The following SLC46A2 variants were observed in gnomAD, a reference collection of about 807,000 sequenced individuals.
SLC46A2 encodes the protein solute carrier family 46 member 2, also known as thymic stromal co-transporter.
SLC46A2 carries 25 observed loss-of-function variants against 33.1 expected under a neutral mutation model. The ratio of observed to expected loss-of-function variants is 0.76; its 90% CI spans 0.55 to 1.06. SLC46A2 has a LOEUF of 1.06. SLC46A2 is among the 50% of genes least tolerant of loss of function. The pLI is 0.00. For missense variants in SLC46A2, 622 were observed against 621.7 expected (o/e 1.00, Z 0.00); for synonymous variants, 254 against 275.9 (o/e 0.92, Z 0.79).
chr9:112,887,411 G>A lies in SLC46A2; in HGVS notation c.1132C>T (p.Arg378Ter), dbSNP rs369303765. ...ATGAGAGCAAACAGCATGACGGCTC[G>A]AGCTGAAAGAGATCACACAAGAACA... is the stretch of plus-strand genomic sequence containing the variant. ...VKETYMFYIA[R>*]AVMLFALIPV... Residue 378 changes from arginine (R) to a stop codon, truncating the protein, a stop_gained and splice_region_variant, in exon 2 of 4, where the codon CGA (arginine) becomes TGA (stop). Coordinates refer to ENST00000374228, the MANE Select transcript of SLC46A2 (RefSeq NM_033051.4). LOFTEE classifies it high-confidence loss of function. 14 of 1,606,026 alleles carry A rather than the reference G, an allele frequency of 8.7e-6. No homozygotes were observed. Among genetic ancestry groups the A allele is most frequent in the African/African-American group, 2.7e-5 (2 of 74,584 alleles).
In SLC46A2 at chr9:112,890,754, A is replaced by C. The variant is rs977342012; in HGVS notation, c.-73T>G. ...GGATATGCTCCCAAATTCGGCTGCT[A>C]CGGCTGCTCAGGTTTCAGTCCCGGA... On this transcript the variant is annotated 5_prime_UTR_variant, in exon 1 of 4. Coordinates refer to ENST00000374228, the MANE Select transcript of SLC46A2 (RefSeq NM_033051.4). This position sits in a 1 kb window ranked among gnomAD's most constrained non-coding sequence, Gnocchi z 6.0. 1 of 1,492,998 alleles carries C rather than the reference A, an allele frequency of 6.7e-7. No homozygotes were observed. Among genetic ancestry groups the C allele is most frequent in the South Asian group, 1.3e-5 (1 of 77,462 alleles). 92.5% of individuals were successfully genotyped at this position (1,492,998 alleles called of 1,614,324 possible). A position where few individuals can be genotyped will look rare whatever the true frequency, so the allele number is the denominator to read the frequency against.
chr9:112,879,174 C>T lies in SLC46A2; in HGVS notation c.*588G>A, dbSNP rs1370950980. On this transcript the variant is annotated 3_prime_UTR_variant, in exon 4 of 4. Coordinates refer to ENST00000374228, the MANE Select transcript of SLC46A2 (RefSeq NM_033051.4). ...AGACAAGGGCCTGAGCTCCATCCCCCTCCTGAGTGTTTGTAGGTAAGGAAG... is the reference window on the plus strand; with the variant it reads ...AGACAAGGGCCTGAGCTCCATCCCCTTCCTGAGTGTTTGTAGGTAAGGAAG... The T allele has an allele frequency of 3.3e-5, 5 of 152,226 alleles. No homozygotes were observed. Among genetic ancestry groups the T allele is most frequent in the African/African-American group, 1.2e-4 (5 of 41,438 alleles). The allele number at this position is 152,226 out of a possible 1,614,324, so 9.4% of individuals were successfully genotyped here.
intron 3 of SLC46A2, among the ~76,000 whole-genome samples, chr9:112,883,027 A>G (rs1588148994): frequency 6.6e-6 from 1 of 152,200 alleles, no homozygotes; most frequent in East Asian, 1.9e-4. Context: ...ACAGCATTAG[A>G]TGTCGCCAAG....
Position 112,890,722 on chromosome 9 carries a change from G to A in SLC46A2, c.-41C>T. Reference sequence around the variant, plus strand: ...GGGATCGAAGGGCTTTCTGGCTGCAGTGACAAGGATATGCTCCCAAATTCG... The same window carrying A: ...GGGATCGAAGGGCTTTCTGGCTGCAATGACAAGGATATGCTCCCAAATTCG... On this transcript the variant is annotated 5_prime_UTR_variant, in exon 1 of 4. Transcript: ENST00000374228. The surrounding 1 kb of genome is among the most constrained non-coding windows in gnomAD (Gnocchi z 6.0). 1 of 1,560,414 alleles carries A rather than the reference G, an allele frequency of 6.4e-7. No homozygotes were observed.
chr9:112,889,892 G>C lies in SLC46A2; in HGVS notation c.790C>G (p.Gln264Glu). The change falls in exon 1 of 4, where the codon CAG (glutamine) becomes GAG (glutamate). Residue 264 changes from glutamine (Q) to glutamate (E), a missense_variant. Transcript: ENST00000374228. ...RTLDPDQLDQ[Q>E]YAVGHPPSPG... The stretch of plus-strand genomic sequence containing the variant: ...GATGGAGGGTGCCCCACTGCATACT[G>C]TTGGTCCAACTGATCAGGATCCAGA... 1 of 1,614,250 alleles carries C rather than the reference G, an allele frequency of 6.2e-7. No homozygotes were observed. The highest frequency in any genetic ancestry group is 8.5e-7 in the Non-Finnish European group (1 of 1,180,052).
rs902597936 is a variant in SLC46A2, at chr9:112,879,552, G to A, written c.*210C>T. 20 of 535,870 alleles carry A rather than the reference G, an allele frequency of 3.7e-5. No homozygotes were observed. Among genetic ancestry groups the A allele is most frequent in the Non-Finnish European group, 3.7e-5 (11 of 296,030 alleles). 33.2% of individuals were successfully genotyped at this position (535,870 alleles called of 1,614,324 possible). A position where few individuals can be genotyped will look rare whatever the true frequency, so the allele number is the denominator to read the frequency against. On this transcript the variant is annotated 3_prime_UTR_variant, in exon 4 of 4. Transcript: ENST00000374228. ...GTCTGCCTAATGGGGGTGTCTTAAA[G>A]CTGAGAACGTTTTTCCATCACCAGG...
At chr9:112,884,149 G>A (rs948418832) in intron 3 of SLC46A2, among the ~76,000 whole-genome samples, 10 of 152,342 alleles carry the variant, frequency 6.6e-5, no homozygotes, top group Admixed American at 3.9e-4. Context: ...AAGTTCTTAC[G>A]GTGGCATGAA....
chr9:112,884,206 G>A (rs1298359933), intron 3 of SLC46A2, among the ~76,000 whole-genome samples: 1 of 152,198 alleles, frequency 6.6e-6, no homozygotes, highest in Non-Finnish European at 1.5e-5. Context: ...CAGCCCCCTG[G>A]GATTGCAAAC....
At position 112,889,847 on chromosome 9, in the gene SLC46A2, G is replaced by C; in HGVS notation, c.835C>G (p.His279Asp). 6.2e-7 allele frequency: 1 copy of C among 1,614,216 alleles called. No individual in the cohort carries two copies. Among genetic ancestry groups the C allele is most frequent in the Admixed American group, 1.7e-5 (1 of 60,032 alleles). ...AAGAGCAAGGCAATGGTGGTTTTAT[G>C]GGGTTTTGCTTTTCCAGGAGATGGA... ...HPPSPGKAKP[H>D]KTTIALLFVG... Residue 279 changes from histidine to aspartate, a missense_variant, in exon 1 of 4, where the codon CAT (histidine) becomes GAT (aspartate). Physicochemically the swap from His to Asp is moderately conservative, Grantham distance 81. Transcript: ENST00000374228.
In SLC46A2 at chr9:112,890,784, G is replaced by A; in HGVS notation, c.-103C>T. ...TGCTCAGGTTTCAGTCCCGGAGCGC[G>A]AGTGTGCTCCGTGCGCCGGGAGCGC... On this transcript the variant is annotated 5_prime_UTR_variant, in exon 1 of 4. Coordinates refer to ENST00000374228, the MANE Select transcript of SLC46A2 (RefSeq NM_033051.4). This position sits in a 1 kb window ranked among gnomAD's most constrained non-coding sequence, Gnocchi z 6.0. 1.2e-6 allele frequency: 1 copy of A among 835,290 alleles called. No homozygotes were observed. The highest frequency in any genetic ancestry group is 3.8e-5 in the Admixed American group (1 of 26,024). The allele number at this position is 835,290 out of a possible 1,614,324, so 51.7% of individuals were successfully genotyped here. A position where few individuals can be genotyped will look rare whatever the true frequency, so the allele number is the denominator to read the frequency against.
At chr9:112,879,861 A>T in intron 3 of SLC46A2, 42 bp from the exon 4 acceptor site, 3 of 1,581,784 alleles carry the variant, frequency 1.9e-6, no homozygotes, top group Non-Finnish European at 2.6e-6. Flanking sequence ...GAACAGCTGG[A>T]ATGGGGTAAA....
At chr9:112,880,890 T>C (rs1841568035) in intron 3 of SLC46A2, among the ~76,000 whole-genome samples, 1 of 152,196 alleles carries the variant, frequency 6.6e-6, no homozygotes, top group African/African-American at 2.4e-5. Flanking sequence ...ATTCCAGTCT[T>C]GCAAGTACTG....
At chr9:112,887,448 AGC>A (rs1564305575) in intron 1 of SLC46A2, 35 bp from the exon 2 acceptor site, 3 of 1,564,480 alleles carry the variant, frequency 1.9e-6, no homozygotes, top group Non-Finnish European at 2.6e-6. Flanking sequence ...TCCTTGCTGT[AGC>A]CCAGCCTGGG....
At position 112,890,113 on chromosome 9, in the gene SLC46A2, G is replaced by A. The variant is rs370672957; in HGVS notation, c.569C>T (p.Ala190Val). Residue 190 changes from alanine (A) to valine (V), a missense_variant, in exon 1 of 4, where the codon GCT becomes GTT. Ala to Val is a moderately conservative substitution (Grantham distance 64). Transcript: ENST00000374228. The surrounding 1 kb of genome is among the most constrained non-coding windows in gnomAD (Gnocchi z 6.0). ...CATCTGCTTGAAGAGATGCCCGGAA[G>A]CCATGCTCCCGCAGAACCCCGCCAA... ...LGLAGFCGSM[A>V]SGHLFKQMAG... The A allele has an allele frequency of 3.1e-6, 5 of 1,613,354 alleles. No homozygotes were observed. Among genetic ancestry groups the A allele is most frequent in the Non-Finnish European group, 4.2e-6 (5 of 1,179,916 alleles).
rs753636277 is a variant in SLC46A2 at position 112,890,315 on chromosome 9, G to T, written c.367C>A (p.Leu123Met). 1 of 1,613,858 alleles carries T rather than the reference G, an allele frequency of 6.2e-7. No individual in the cohort carries two copies. Among genetic ancestry groups the T allele is most frequent in the Non-Finnish European group, 8.5e-7 (1 of 1,179,994 alleles). Residue 123 changes from leucine (L) to methionine (M), a missense_variant, in exon 1 of 4, where the codon CTG becomes ATG. Coordinates refer to ENST00000374228, the MANE Select transcript of SLC46A2 (RefSeq NM_033051.4). This position sits in a 1 kb window ranked among gnomAD's most constrained non-coding sequence, Gnocchi z 6.0. ...LLGFLLSRLG[L>M]LLKVLLDWPV... is the part of the protein sequence containing the mutation. ...CAGTCCAGCAGCACCTTGAGCAGCA[G>T]CCCGAGGCGGGAGAGCAGGAAGCCC... is the stretch of plus-strand genomic sequence containing the variant.
At chr9:112,887,271 T>C in intron 2 of SLC46A2, 59 bp downstream of exon 2, 1 of 1,530,156 alleles carries the variant, frequency 6.5e-7, no homozygotes, top group Non-Finnish European at 9.0e-7. Context: ...TGCCTCATGC[T>C]TAGCAGCTCT....
At position 112,890,167 on chromosome 9, in the gene SLC46A2, C is replaced by A. The variant is rs1336190496; in HGVS notation, c.515G>T (p.Arg172Leu). ...LGSSEGRRSV[R>L]LILIDLMLGL... ...CAGCATCAGGTCAATGAGGATGAGG[C>A]GCACAGAGCGGCGGCCCTCGGAGGA... Residue 172 changes from arginine (R) to leucine (L), a missense_variant, in exon 1 of 4, where the codon CGC (arginine) becomes CTC (leucine). Transcript: ENST00000374228. The surrounding 1 kb of genome is among the most constrained non-coding windows in gnomAD (Gnocchi z 6.0). The A allele has an allele frequency of 1.2e-6, 2 of 1,613,530 alleles. No homozygotes were observed. Among genetic ancestry groups the A allele is most frequent in the Admixed American group, 1.7e-5 (1 of 60,024 alleles).
intron 3 of SLC46A2, among the ~76,000 whole-genome samples, chr9:112,884,267 G>A (rs999791785): frequency 1.3e-5 from 2 of 152,228 alleles, no homozygotes; most frequent in African/African-American, 2.4e-5. Flanking sequence ...CTGTGATCCA[G>A]TCCAGCCTCT....
Position 112,879,546 on chromosome 9 carries a change from C to G in SLC46A2, c.*216G>C. The G allele has an allele frequency of 1.9e-6, 1 of 529,400 alleles. No individual in the cohort carries two copies. Among genetic ancestry groups the G allele is most frequent in the Non-Finnish European group, 3.4e-6 (1 of 291,952 alleles). 32.8% of individuals were successfully genotyped at this position (529,400 alleles called of 1,614,324 possible). ...CCCAGTGTCTGCCTAATGGGGGTGTCTTAAAGCTGAGAACGTTTTTCCATC... is the reference window on the plus strand; with the variant it reads ...CCCAGTGTCTGCCTAATGGGGGTGTGTTAAAGCTGAGAACGTTTTTCCATC... On this transcript the variant is annotated 3_prime_UTR_variant, in exon 4 of 4. Transcript: ENST00000374228.
Sources: allele counts gnomAD v4.1 joint callset (sites outside exome capture counted in the v4.1 genomes callset), GRCh38; gene constraint gnomAD v4.1.1; non-coding constraint Gnocchi (gnomAD v3.1); transcripts MANE v1.5; gene names NCBI Gene and HGNC (gene_info 2026-07-23, HGNC 2026-07-21).